The following CAMKMT variants were observed in gnomAD, a reference collection of about 807,000 sequenced individuals.
The protein encoded by CAMKMT is calmodulin-lysine N-methyltransferase, also known as CaM KMT.
A neutral mutation model predicts 48.0 loss-of-function variants in CAMKMT; 53 were observed. That is an observed-to-expected ratio of 1.10 (90% CI 0.89 to 1.39). The LOEUF (loss-of-function observed/expected upper bound fraction) is 1.39. Among genes scored for constraint, CAMKMT ranks in the 40% most tolerant of loss-of-function variants. The pLI is 0.00. For synonymous variants in CAMKMT, 165 were observed against 152.3 expected (o/e 1.08, Z -0.61); for missense variants, 428 against 402.7 (o/e 1.06, Z -0.54).
intron 3 of CAMKMT, among the ~76,000 whole-genome samples, chr2:44,455,923 C>T (rs1667539602): frequency 6.6e-6 from 1 of 152,078 alleles, no homozygotes; most frequent in African/African-American, 2.4e-5. Flanking sequence ...AAAGGAAAGT[C>T]TAAATGAGAA....
Position 44,399,506 on chromosome 2 carries a change from C to T in CAMKMT, c.376+9201C>T, listed in dbSNP as rs1682161345. Among the ~76,000 whole-genome samples the T allele has an allele frequency of 2.6e-5, 4 of 151,830 alleles. No homozygotes were observed. In the South Asian group the frequency reaches 8.3e-4, roughly 32 times the overall value. On this transcript the variant is annotated intron_variant, in intron 3 of 10. Coordinates refer to ENST00000378494, the MANE Select transcript of CAMKMT (RefSeq NM_024766.5). ...GGAGGGGGCATTGATTCTTATTGCCCTCTTTGATCTTTCTCTTATTTCCCA... is the reference window on the plus strand; with the variant it reads ...GGAGGGGGCATTGATTCTTATTGCCTTCTTTGATCTTTCTCTTATTTCCCA...
intron 3 of CAMKMT, among the ~76,000 whole-genome samples, chr2:44,675,094 A>C (rs1053977572): frequency 6.6e-6 from 1 of 152,056 alleles, no homozygotes. Flanking sequence ...GGAAAAAAAA[A>C]AAGGCAAGCC....
chr2:44,642,234 A>G (rs1673488513), intron 3 of CAMKMT, among the ~76,000 whole-genome samples: 1 of 152,208 alleles, frequency 6.6e-6, no homozygotes, highest in African/African-American at 2.4e-5. Flanking sequence ...AGTGCCATGG[A>G]TGGTATAGGC....
intron 3 of CAMKMT, among the ~76,000 whole-genome samples, chr2:44,591,548 C>T (rs1210353255): frequency 6.6e-6 from 1 of 152,072 alleles, no homozygotes; most frequent in Non-Finnish European, 1.5e-5. Context: ...TGATTTGGCT[C>T]TCTGTTTGTC....
chr2:44,456,165 T>C (rs1452741200), intron 3 of CAMKMT, among the ~76,000 whole-genome samples: 1 of 152,214 alleles, frequency 6.6e-6, no homozygotes, highest in East Asian at 1.9e-4. Flanking sequence ...ACATATTAGA[T>C]ACTTAATATG....
At chr2:44,506,338 T>C (rs941292770) in intron 3 of CAMKMT, among the ~76,000 whole-genome samples, 2 of 152,198 alleles carry the variant, frequency 1.3e-5, no homozygotes, top group Non-Finnish European at 2.9e-5. Context: ...TTTATTTCTA[T>C]TGGAGAATTT....
chr2:44,712,909 G>T (rs904444616), intron 6 of CAMKMT, among the ~76,000 whole-genome samples: 1 of 152,102 alleles, frequency 6.6e-6, no homozygotes, highest in African/African-American at 2.4e-5. Flanking sequence ...GGGGTGGGGA[G>T]CAGGATGTCT....
intron 3 of CAMKMT, among the ~76,000 whole-genome samples, chr2:44,581,999 A>T (rs1403413741): frequency 6.6e-6 from 1 of 152,264 alleles, no homozygotes. Flanking sequence ...ACTCCGTCTC[A>T]AAAACAAAAA....
chr2:44,404,723 C>G (rs570203319), intron 3 of CAMKMT, among the ~76,000 whole-genome samples: 1 of 152,062 alleles, frequency 6.6e-6, no homozygotes, highest in African/African-American at 2.4e-5. Flanking sequence ...GTGTGCCTGT[C>G]TCGATATTGT....
At chr2:44,467,829 G>C (rs891147819) in intron 3 of CAMKMT, among the ~76,000 whole-genome samples, 1 of 152,056 alleles carries the variant, frequency 6.6e-6, no homozygotes, top group African/African-American at 2.4e-5. Flanking sequence ...TAGACTCCTA[G>C]TTCTCACCAT....
chr2:44,556,278 A>G (rs931803224), intron 3 of CAMKMT, among the ~76,000 whole-genome samples: 3 of 151,778 alleles, frequency 2.0e-5, no homozygotes, highest in Admixed American at 6.6e-5. Context: ...AGCTGGGATT[A>G]CAGGTGGCTG....
intron 2 of CAMKMT, among the ~76,000 whole-genome samples, chr2:44,375,544 A>T (rs982460102): frequency 3.3e-5 from 5 of 152,280 alleles, no homozygotes; most frequent in Middle Eastern, 3.4e-3. Context: ...ACTCACACTT[A>T]ATAGAAGTTT....
chr2:44,762,808 C>T (rs531898703), intron 9 of CAMKMT, among the ~76,000 whole-genome samples: 1 of 152,306 alleles, frequency 6.6e-6, no homozygotes, highest in East Asian at 1.9e-4. Context: ...ACTTCTCCCT[C>T]TCCTCTCCAG....
intron 3 of CAMKMT, among the ~76,000 whole-genome samples, chr2:44,583,956 A>G (rs976464307): frequency 1.3e-5 from 2 of 152,256 alleles, no homozygotes; most frequent in African/African-American, 4.8e-5. Flanking sequence ...AAGCATATAC[A>G]TATATAACTG....
intron 3 of CAMKMT, among the ~76,000 whole-genome samples, chr2:44,458,160 C>T (rs951855965): frequency 2.0e-5 from 3 of 151,062 alleles, no homozygotes; most frequent in African/African-American, 7.3e-5. Context: ...GATCTTCCCA[C>T]CTCAGCCTCC....
At chr2:44,712,706 G>GA (rs1269252098) in intron 6 of CAMKMT, among the ~76,000 whole-genome samples, 2 of 152,140 alleles carry the variant, frequency 1.3e-5, no homozygotes, top group Non-Finnish European at 2.9e-5. Flanking sequence ...CCCTCCCACT[G>GA]AAGTCCTCCA....
At chr2:44,695,371 T>G (rs891308040) in intron 3 of CAMKMT, among the ~76,000 whole-genome samples, 8 of 152,180 alleles carry the variant, frequency 5.3e-5, no homozygotes, top group African/African-American at 1.9e-4. Flanking sequence ...TAAAAATTAT[T>G]CTCACCACCT....
chr2:44,378,328 T>A (rs1679901374), intron 2 of CAMKMT, among the ~76,000 whole-genome samples: 1 of 152,230 alleles, frequency 6.6e-6, no homozygotes, highest in Non-Finnish European at 1.5e-5. Flanking sequence ...TTAAACATTT[T>A]CCAAATCCCA....
chr2:44,423,939 A>G (rs997369185), intron 3 of CAMKMT, among the ~76,000 whole-genome samples: 4 of 152,112 alleles, frequency 2.6e-5, no homozygotes, highest in African/African-American at 9.7e-5. Context: ...TAGAAAATTT[A>G]TTGACCACCC....
Sources: gnomAD v4.1 joint callset for allele counts (sites outside exome capture counted in the v4.1 genomes callset) on GRCh38, gnomAD v4.1.1 for gene constraint, MANE v1.5 for transcripts, NCBI Gene and HGNC (gene_info 2026-07-23, HGNC 2026-07-21) for gene names.